MAEA: variants seen among roughly 807,000 people sequenced by gnomAD.
MAEA encodes the protein E3 ubiquitin-protein transferase MAEA.
A neutral mutation model predicts 46.2 loss-of-function variants in MAEA; 22 were observed. The ratio of observed to expected loss-of-function variants is 0.48; its 90% CI spans 0.34 to 0.68. The LOEUF is 0.68. MAEA is among the 30% of genes least tolerant of loss of function. The pLI is 0.01. For missense variants in MAEA, 393 were observed against 558.1 expected (o/e 0.70, Z 2.98); for synonymous variants, 246 against 222.6 (o/e 1.11, Z -0.94).
intron 1 of MAEA, among the ~76,000 whole-genome samples, chr4:1,306,044 A>G (rs1735797495): frequency 6.6e-6 from 1 of 152,200 alleles, no homozygotes; most frequent in Admixed American, 6.5e-5. Context: ...CTTTCCCTTC[A>G]GGTCCTCAGC....
At chr4:1,322,564 T>C (rs1247384734) in intron 4 of MAEA, 61 bp downstream of exon 4, 2 of 1,594,180 alleles carry the variant, frequency 1.3e-6, no homozygotes, top group African/African-American at 1.3e-5. Context: ...CCACCTGCCC[T>C]GGAGCCAGCA....
intron 4 of MAEA, among the ~76,000 whole-genome samples, chr4:1,326,973 A>C (rs893869944): frequency 6.6e-6 from 1 of 151,816 alleles, no homozygotes; most frequent in Non-Finnish European, 1.5e-5. Context: ...CAGCAACCCC[A>C]CATGTGGTCC....
chr4:1,293,924 A>G (rs565927948), intron 1 of MAEA, among the ~76,000 whole-genome samples: 18 of 152,188 alleles, frequency 1.2e-4, no homozygotes, highest in African/African-American at 4.3e-4. Context: ...CGCCTTTTGT[A>G]GTTTTCTTCA....
intron 1 of MAEA, among the ~76,000 whole-genome samples, chr4:1,303,356 C>T (rs892426813): frequency 2.8e-5 from 4 of 140,700 alleles, no homozygotes; most frequent in South Asian, 2.2e-4. Context: ...GAGCTGAGAT[C>T]GCACTACTGC....
intron 1 of MAEA, among the ~76,000 whole-genome samples, chr4:1,301,442 A>G (rs1406017034): frequency 2.6e-5 from 4 of 152,262 alleles, no homozygotes; most frequent in Admixed American, 2.6e-4. Context: ...GTGAACATAA[A>G]AAGCTGTAAT....
intron 4 of MAEA, among the ~76,000 whole-genome samples, chr4:1,327,382 T>C (rs1738980888): frequency 6.6e-6 from 1 of 152,244 alleles, no homozygotes; most frequent in South Asian, 2.1e-4. Flanking sequence ...GCTGGGCGGC[T>C]GCACGCCCCA....
rs373561845 is a variant in MAEA, at chr4:1,295,557, C to T, written c.69+5575C>T. On this transcript the variant is annotated intron_variant, in intron 1 of 8. Coordinates refer to ENST00000303400, the MANE Select transcript of MAEA (RefSeq NM_001017405.3). ...TTCTCTCAGACTTTCCCTCCTACTT[C>T]ATGCTCGCCCATGCCTGTCACGCAG... Among the ~76,000 whole-genome samples the T allele has an allele frequency of 4.0e-5, 6 of 151,880 alleles. No homozygotes were observed. In the South Asian group the frequency reaches 1.2e-3, roughly 32 times the overall value.
rs536911440 is a variant in MAEA at position 1,332,609 on chromosome 4, C to T, written c.657-148C>T. ...CTGCACATCTGCGGTCTCAGCTTCT[C>T]GGGAAGATCGCCTGAGCCTGAGAGT... On this transcript the variant is annotated intron_variant, in intron 5 of 8. Transcript: ENST00000303400. 8.2e-4 allele frequency: 482 copies of T among 588,242 alleles called. 4 individuals are homozygous for T. Among genetic ancestry groups the T allele is most frequent in the South Asian group, 3.2e-3 (159 of 49,930 alleles). 36.4% of individuals were successfully genotyped at this position (588,242 alleles called of 1,614,324 possible).
rs76999439 is a variant in MAEA, at chr4:1,311,527, C to T, written c.70-452C>T. ...AGGCTTGCTGTGCCCAACCCCAGCC[C>T]GTGTGGAGCCCACGCCCCATGCACC... On this transcript the variant is annotated intron_variant, in intron 1 of 8. Coordinates refer to ENST00000303400, the MANE Select transcript of MAEA (RefSeq NM_001017405.3). The surrounding 1 kb of genome is among the most constrained non-coding windows in gnomAD (Gnocchi z 4.4). 0.035 allele frequency among the ~76,000 whole-genome samples: 5,375 copies of T among 152,218 alleles called. 212 individuals carry two copies. Among genetic ancestry groups the T allele is most frequent in the East Asian group, 0.19 (986 of 5,138 alleles).
At position 1,339,794 on chromosome 4, in the gene MAEA, G is replaced by A. The variant is rs956522440; in HGVS notation, c.*625G>A. ...ACGTGCATAGTTTCGATATCACATCGCGGGGCTGTGTTCGTAGCTGCGTCG... is the reference window on the plus strand; with the variant it reads ...ACGTGCATAGTTTCGATATCACATCACGGGGCTGTGTTCGTAGCTGCGTCG... On this transcript the variant is annotated 3_prime_UTR_variant, in exon 9 of 9. Coordinates refer to ENST00000303400, the MANE Select transcript of MAEA (RefSeq NM_001017405.3). The A allele has an allele frequency of 2.6e-5, 4 of 152,980 alleles. No individual in the cohort carries two copies. Among genetic ancestry groups the A allele is most frequent in the Non-Finnish European group, 5.9e-5 (4 of 68,298 alleles). 9.5% of individuals were successfully genotyped at this position (152,980 alleles called of 1,614,324 possible). A position where few individuals can be genotyped will look rare whatever the true frequency, so the allele number is the denominator to read the frequency against.
intron 2 of MAEA, among the ~76,000 whole-genome samples, chr4:1,314,738 G>A (rs1736920044): frequency 6.6e-6 from 1 of 152,208 alleles, no homozygotes; most frequent in Non-Finnish European, 1.5e-5. Context: ...AGCTCCTGAG[G>A]GCAAAAGATG....
At chr4:1,291,682 A>G (rs1396473358) in intron 1 of MAEA, among the ~76,000 whole-genome samples, 1 of 152,214 alleles carries the variant, frequency 6.6e-6, no homozygotes, top group Admixed American at 6.5e-5. Context: ...ACTAGATAGG[A>G]AAAGTTTCCA....
chr4:1,309,605 G>A (rs1400290823), intron 1 of MAEA: 1 of 1,513,440 alleles, frequency 6.6e-7, no homozygotes, highest in Non-Finnish European at 8.8e-7. Flanking sequence ...GGTGGGAGGA[G>A]CGTGCGCAGA....
At chr4:1,323,484 C>T (rs1390237683) in intron 4 of MAEA, 4 of 702,588 alleles carry the variant, frequency 5.7e-6, no homozygotes, top group Non-Finnish European at 7.8e-6. Flanking sequence ...GAGTGACACA[C>T]TGCCACTCAG....
At chr4:1,323,699 G>C (rs1738435635) in intron 4 of MAEA, 1 of 682,326 alleles carries the variant, frequency 1.5e-6, no homozygotes, top group African/African-American at 1.8e-5. Flanking sequence ...CTCTGCCAGG[G>C]CTGTTTCCTG....
chr4:1,306,733 G>C (rs1485388910), intron 1 of MAEA, among the ~76,000 whole-genome samples: 1 of 152,132 alleles, frequency 6.6e-6, no homozygotes, highest in African/African-American at 2.4e-5. Context: ...TTTTACAGTT[G>C]GTACATTTTG....
chr4:1,309,606 C>T (rs1235681544), intron 1 of MAEA: 8 of 1,512,502 alleles, frequency 5.3e-6, no homozygotes, highest in African/African-American at 1.4e-5. Flanking sequence ...GTGGGAGGAG[C>T]GTGCGCAGAG....
chr4:1,301,277 G>A (rs181672237), intron 1 of MAEA, among the ~76,000 whole-genome samples: 1 of 152,196 alleles, frequency 6.6e-6, no homozygotes, highest in East Asian at 1.9e-4. Flanking sequence ...GGCAGCGGGC[G>A]GGCAGGTGCA....
intron 3 of MAEA, among the ~76,000 whole-genome samples, chr4:1,318,501 T>C (rs918462040): frequency 2.6e-5 from 4 of 152,246 alleles, no homozygotes; most frequent in Non-Finnish European, 5.9e-5. Flanking sequence ...GCCCTGAGCA[T>C]GTCTGTCCAA....
Sources: allele counts gnomAD v4.1 joint callset (sites outside exome capture counted in the v4.1 genomes callset), GRCh38; gene constraint gnomAD v4.1.1; non-coding constraint Gnocchi (gnomAD v3.1); transcripts MANE v1.5; gene names NCBI Gene and HGNC (gene_info 2026-07-23, HGNC 2026-07-21).